Variants in FAT1 observed in about 807,000 individuals in gnomAD.
FAT1 encodes FAT atypical cadherin 1, also known as protocadherin Fat 1.
In FAT1, 171 loss-of-function variants were observed where a neutral mutation model predicts 329.8. The observed-to-expected ratio is 0.52, with a 90% CI of 0.46 to 0.59. The LOEUF is 0.59. Ranked by LOEUF, FAT1 falls within the 20% of genes least tolerant of loss-of-function variation. The pLI, the probability that FAT1 is intolerant of heterozygous loss-of-function variation, is 0.00. For synonymous variants in FAT1, 2,233 were observed against 2,228.6 expected, an observed-to-expected ratio of 1.00 and a Z score of -0.06; for missense variants, 5,672 against 5,774.4, an observed-to-expected ratio of 0.98 and a Z score of 0.57.
chr4:186,702,890 T>A (rs1284291351), intron 2 of FAT1, among the ~76,000 whole-genome samples: 1 of 152,204 alleles, frequency 6.6e-6, no homozygotes, highest in Non-Finnish European at 1.5e-5. Flanking sequence ...GGATTACACA[T>A]GCTTCAAAGA....
chr4:186,696,441 A>C (rs1381050865), intron 2 of FAT1, among the ~76,000 whole-genome samples: 1 of 152,182 alleles, frequency 6.6e-6, no homozygotes, highest in Non-Finnish European at 1.5e-5. Flanking sequence ...AATCGAAAGA[A>C]GAGGATCATG....
intron 1 of FAT1, among the ~76,000 whole-genome samples, chr4:186,719,951 A>G (rs1327848079): frequency 6.6e-6 from 1 of 152,206 alleles, no homozygotes; most frequent in Non-Finnish European, 1.5e-5. Flanking sequence ...GCTTGAAAAT[A>G]TTCAGTATTT....
At chr4:186,642,819 G>A (rs951369559) in intron 3 of FAT1, among the ~76,000 whole-genome samples, 6 of 152,180 alleles carry the variant, frequency 3.9e-5, no homozygotes, top group Non-Finnish European at 5.9e-5. Flanking sequence ...CTATAAAAAC[G>A]GTAGAGAAAA....
At chr4:186,693,458 C>T (rs916555953) in intron 2 of FAT1, among the ~76,000 whole-genome samples, 2 of 108,828 alleles carry the variant, frequency 1.8e-5, no homozygotes, top group Admixed American at 1.7e-4. Context: ...TCCTCGAGCA[C>T]CCAGAACCCC....
At chr4:186,678,538 T>A (rs1191289672) in intron 2 of FAT1, among the ~76,000 whole-genome samples, 1 of 148,964 alleles carries the variant, frequency 6.7e-6, no homozygotes, top group Non-Finnish European at 1.5e-5. Flanking sequence ...ATTTTATACA[T>A]GTATAGCTAT....
chr4:186,588,580 G>GGGAGTTGA lies in FAT1; in HGVS notation c.*4_*11dup. 6.2e-7 allele frequency: 1 copy of GGGAGTTGA among 1,601,474 alleles called. No homozygotes were observed. Among genetic ancestry groups the GGGAGTTGA allele is most frequent in the East Asian group, 2.2e-5 (1 of 44,770 alleles). ...GTTCACTAAAGTCAGGCACTTTGGGGGGAGTTGAGAGTCAGACTTCCGTGT... is the reference window on the plus strand; with the variant it reads ...GTTCACTAAAGTCAGGCACTTTGGGGGGAGTTGAGGAGTTGAGAGTCAGACTTCCGTGT... On this transcript the variant is annotated 3_prime_UTR_variant, in exon 27 of 27. Transcript: ENST00000441802.
Position 186,721,071 on chromosome 4 carries a change from C to T in FAT1, c.-19+2593G>A, listed in dbSNP as rs573402998. Among the ~76,000 whole-genome samples, 46 of 152,292 alleles carry T rather than the reference C, an allele frequency of 3.0e-4. 1 individual carries two copies. The highest frequency in any genetic ancestry group is 1.5e-3 in the South Asian group (7 of 4,822). On this transcript the variant is annotated intron_variant, in intron 1 of 26. Coordinates refer to ENST00000441802, the MANE Select transcript of FAT1 (RefSeq NM_005245.4). ...GTCTGTGTTGCAGATTATCACAAAG[C>T]TCTAACCTTAATATTCTATGAAGGA...
At position 186,707,053 on chromosome 4, in the gene FAT1, AGGTG is replaced by A; in HGVS notation, c.2771_2774del (p.Pro924LeufsTer10). The A allele has an allele frequency of 6.2e-7, 1 of 1,613,980 alleles. No homozygotes were observed. The highest frequency in any genetic ancestry group is 8.5e-7 in the Non-Finnish European group (1 of 1,179,878). ...CACGATAATTAGGTGGAATAAATGT[AGGTG>A]GGTTGTCATTAACATCTTCTAGTGA... On this transcript the variant is annotated frameshift_variant, in exon 2 of 27. Transcript: ENST00000441802. LOFTEE classifies it high-confidence loss of function.
intron 2 of FAT1, among the ~76,000 whole-genome samples, chr4:186,694,566 T>C (rs887351627): frequency 2.6e-5 from 4 of 152,232 alleles, no homozygotes; most frequent in Middle Eastern, 3.2e-3. Context: ...TAAAAGAGTC[T>C]GGTAACTAAC....
Position 186,706,781 on chromosome 4 carries a change from C to T in FAT1, c.3047G>A (p.Cys1016Tyr), listed in dbSNP as rs746500278. 1 of 1,614,004 alleles carries T rather than the reference C, an allele frequency of 6.2e-7. No individual in the cohort carries two copies. The highest frequency in any genetic ancestry group is 1.1e-5 in the South Asian group (1 of 91,080). Residue 1016 changes from cysteine (C) to tyrosine (Y), a missense_variant, in exon 2 of 27, where the codon TGC becomes TAC. Coordinates refer to ENST00000441802, the MANE Select transcript of FAT1 (RefSeq NM_005245.4). ...ATCAACCACCTCAACTTCAACATAG[C>T]AAGTAGAAGACAGAGAAACTGGCTT... ...KGKPVSLSST[C>Y]YVEVEVVDVN...
At chr4:186,713,557 C>G (rs144673633) in intron 1 of FAT1, among the ~76,000 whole-genome samples, 199 of 152,290 alleles carry the variant, frequency 1.3e-3, no homozygotes, top group African/African-American at 4.5e-3. Context: ...AAGGAAGTCA[C>G]TGCATGTAGC....
Position 186,596,675 on chromosome 4 carries a change from G to A in FAT1, c.12865C>T (p.Pro4289Ser). 6.2e-6 allele frequency: 10 copies of A among 1,612,930 alleles called. No homozygotes were observed. The highest frequency in any genetic ancestry group is 1.1e-5 in the South Asian group (1 of 90,970). The change falls in exon 25 of 27, where the codon CCC (proline) becomes TCC (serine). Residue 4289 changes from proline to serine, a missense_variant. Around this residue, in one of 2 missense-constraint regions of FAT1, gnomAD observed 1,706 missense variants for 1,859.1 expected, o/e 0.92. Coordinates refer to ENST00000441802, the MANE Select transcript of FAT1 (RefSeq NM_005245.4). The surrounding 1 kb of genome is among the most constrained non-coding windows in gnomAD (Gnocchi z 4.7). ...TTTCGGTGCCCGTGCACAGACTCGG[G>A]GTTAAAAGTGCTGAATTCGGGATGC... ...PEHPEFSTFN[P>S]ESVHGHRKAV...
chr4:186,590,208 G>A (rs111748176), intron 26 of FAT1, among the ~76,000 whole-genome samples: 149 of 151,842 alleles, frequency 9.8e-4, no homozygotes, highest in Non-Finnish European at 1.8e-3. Context: ...GAGAAGGTTA[G>A]GCAATCCGTG....
intron 3 of FAT1, among the ~76,000 whole-genome samples, chr4:186,642,391 G>A (rs751515863): frequency 5.9e-5 from 9 of 152,200 alleles, no homozygotes; most frequent in Non-Finnish European, 1.3e-4. Context: ...GACAGTGGCT[G>A]TCTTTCTTGC....
intron 2 of FAT1, among the ~76,000 whole-genome samples, chr4:186,686,551 T>C (rs1168422718): frequency 1.3e-5 from 2 of 152,336 alleles, no homozygotes; most frequent in South Asian, 2.1e-4. Flanking sequence ...TATTTAATTA[T>C]TGAATCTATT....
At chr4:186,700,735 T>C (rs983417739) in intron 2 of FAT1, among the ~76,000 whole-genome samples, 6 of 152,322 alleles carry the variant, frequency 3.9e-5, no homozygotes, top group Admixed American at 6.5e-5. Flanking sequence ...TAACCTCTCA[T>C]TGACGTTTCA....
intron 15 of FAT1, 146 bp from the exon 16 acceptor site, chr4:186,609,466 G>A: frequency 2.1e-6 from 2 of 970,650 alleles, no homozygotes; most frequent in South Asian, 1.8e-5. Flanking sequence ...ACTCAGGCTG[G>A]AGTGCAGTGG....
rs775775100 is a variant in FAT1, at chr4:186,628,781, A to C, written c.4324-18T>G. 1.8e-5 allele frequency: 29 copies of C among 1,604,892 alleles called. No individual in the cohort carries two copies. Among genetic ancestry groups the C allele is most frequent in the Non-Finnish European group, 1.7e-6 (2 of 1,176,304 alleles). On this transcript the variant is annotated intron_variant, in intron 7 of 26. Coordinates refer to ENST00000441802, the MANE Select transcript of FAT1 (RefSeq NM_005245.4). ...ATGAATACCTGTAATGGATGACAAA[A>C]TGACTCATACAATATTTCCAATTAT...
chr4:186,724,679 G>A (rs1390469811), upstream of FAT1, among the ~76,000 whole-genome samples: 2 of 152,178 alleles, frequency 1.3e-5, no homozygotes, highest in African/African-American at 2.4e-5. This position sits in a 1 kb window ranked among gnomAD's most constrained non-coding sequence, Gnocchi z 5.3. Context: ...TGAGCGTCCC[G>A]GGCGCGGAGC....
Sources: allele counts gnomAD v4.1 joint callset (sites outside exome capture counted in the v4.1 genomes callset), GRCh38; gene constraint gnomAD v4.1.1; regional missense constraint gnomAD v4.1.1; non-coding constraint Gnocchi (gnomAD v3.1); transcripts MANE v1.5; gene names NCBI Gene and HGNC (gene_info 2026-07-23, HGNC 2026-07-21).